Variants in KCNAB1 observed in about 807,000 individuals in gnomAD.
The protein encoded by KCNAB1 is potassium voltage-gated channel subfamily A regulatory beta subunit 1, also known as voltage-gated potassium channel subunit beta-1.
Under a neutral mutation model 64.6 loss-of-function variants are expected in KCNAB1, and 35 were observed. That is an observed-to-expected ratio of 0.54 (90% CI 0.41 to 0.72). The LOEUF (loss-of-function observed/expected upper bound fraction) is 0.72. Ranked by LOEUF, KCNAB1 falls within the 30% of genes least tolerant of loss-of-function variation. KCNAB1 has a pLI of 0.00. For synonymous variants in KCNAB1, 177 were observed against 183.8 expected (o/e 0.96, Z 0.30); for missense variants, 401 against 512.9 (o/e 0.78, Z 2.11).
At chr3:156,387,872 G>T (rs1712730667) in intron 1 of KCNAB1, among the ~76,000 whole-genome samples, 1 of 152,152 alleles carries the variant, frequency 6.6e-6, no homozygotes, top group African/African-American at 2.4e-5. Flanking sequence ...AAGAGTCAGA[G>T]ATTTTTCTTA....
intron 1 of KCNAB1, among the ~76,000 whole-genome samples, chr3:156,241,629 T>C (rs9810962): frequency 0.068 from 10,365 of 152,232 alleles, 1,222 homozygotes; most frequent in African/African-American, 0.24. Flanking sequence ...CTGCTCCCCC[T>C]GGGGCTGCGT....
intron 8 of KCNAB1, among the ~76,000 whole-genome samples, chr3:156,492,269 T>G (rs1211193202): frequency 6.6e-6 from 1 of 152,150 alleles, no homozygotes; most frequent in East Asian, 1.9e-4. Context: ...GATAAAAGCC[T>G]TAACATATTG....
chr3:156,195,335 G>T (rs550425731), intron 1 of KCNAB1, among the ~76,000 whole-genome samples: 3 of 152,224 alleles, frequency 2.0e-5, no homozygotes, highest in African/African-American at 7.2e-5. Context: ...GGTATTTCTG[G>T]TTCTAGATCC....
intron 1 of KCNAB1, among the ~76,000 whole-genome samples, chr3:156,154,510 C>T (rs1715604385): frequency 6.6e-6 from 1 of 152,138 alleles, no homozygotes; most frequent in Non-Finnish European, 1.5e-5. Flanking sequence ...ACTCGTCCTC[C>T]TAGATAAATG....
At chr3:156,256,175 A>G (rs1055582255) in intron 1 of KCNAB1, among the ~76,000 whole-genome samples, 1 of 152,244 alleles carries the variant, frequency 6.6e-6, no homozygotes, top group African/African-American at 2.4e-5. Context: ...TAACAAATGA[A>G]AAAGTGTTAT....
chr3:156,150,363 T>C (rs919716205), intron 1 of KCNAB1, among the ~76,000 whole-genome samples: 3 of 152,166 alleles, frequency 2.0e-5, no homozygotes, highest in Admixed American at 2.0e-4. Context: ...GTTTGAAATA[T>C]TGTTGAGAGG....
At chr3:156,506,807 T>C (rs1184159807) in intron 8 of KCNAB1, among the ~76,000 whole-genome samples, 1 of 152,202 alleles carries the variant, frequency 6.6e-6, no homozygotes, top group Non-Finnish European at 1.5e-5. Flanking sequence ...TCTTTAAGCT[T>C]TGACAGATCA....
intron 1 of KCNAB1, among the ~76,000 whole-genome samples, chr3:156,357,159 G>GCACACACA (rs112441885): frequency 2.7e-5 from 4 of 147,314 alleles, no homozygotes; most frequent in Admixed American, 6.9e-5. Context: ...ACATGTGCGC[G>GCACACACA]CACACACACA....
intron 8 of KCNAB1, among the ~76,000 whole-genome samples, chr3:156,504,525 C>A (rs1230694414): frequency 6.6e-6 from 1 of 152,080 alleles, no homozygotes; most frequent in East Asian, 1.9e-4. Flanking sequence ...TACATTCCTA[C>A]CAACAGCATA....
chr3:156,163,976 G>C (rs1391906941), intron 1 of KCNAB1, among the ~76,000 whole-genome samples: 1 of 152,166 alleles, frequency 6.6e-6, no homozygotes, highest in Non-Finnish European at 1.5e-5. Context: ...GTTGGATGCT[G>C]GTGCATACTA....
chr3:156,195,901 A>G (rs948918887), intron 1 of KCNAB1, among the ~76,000 whole-genome samples: 1 of 152,130 alleles, frequency 6.6e-6, no homozygotes, highest in East Asian at 1.9e-4. Flanking sequence ...GTTTTCTTCT[A>G]GGGTTTTTAT....
chr3:156,211,248 A>C (rs531989628), intron 1 of KCNAB1, among the ~76,000 whole-genome samples: 1 of 152,350 alleles, frequency 6.6e-6, no homozygotes, highest in African/African-American at 2.4e-5. Flanking sequence ...AGAACAAAAA[A>C]AGTCACAAAA....
chr3:156,402,776 G>A (rs573245762), intron 1 of KCNAB1, among the ~76,000 whole-genome samples: 1 of 152,280 alleles, frequency 6.6e-6, no homozygotes, highest in Admixed American at 6.5e-5. Flanking sequence ...ACTAATCACT[G>A]TTGAAGGCTC....
intron 1 of KCNAB1, chr3:156,176,819 C>T (rs577128095): frequency 1.9e-5 from 17 of 904,164 alleles, no homozygotes; most frequent in South Asian, 1.9e-4. Flanking sequence ...CTCCAGGGCC[C>T]GATCCCGCCA....
At chr3:156,438,529 G>T (rs77789681) in intron 2 of KCNAB1, among the ~76,000 whole-genome samples, 43 of 152,266 alleles carry the variant, frequency 2.8e-4, no homozygotes, top group African/African-American at 9.9e-4. Flanking sequence ...GTCGACTGTG[G>T]CTTTCACTGT....
chr3:156,349,062 C>T (rs1724690158), intron 1 of KCNAB1, among the ~76,000 whole-genome samples: 1 of 152,184 alleles, frequency 6.6e-6, no homozygotes, highest in African/African-American at 2.4e-5. Flanking sequence ...GTTTCCCCTA[C>T]TTTACAGAGG....
At chr3:156,470,874 G>A (rs1046824368) in intron 7 of KCNAB1, among the ~76,000 whole-genome samples, 36 of 152,152 alleles carry the variant, frequency 2.4e-4, no homozygotes, top group Non-Finnish European at 2.9e-5. Flanking sequence ...AGTGTACTAC[G>A]TTCATGTAAA....
In KCNAB1 at chr3:156,536,771, T is replaced by C. The variant is rs1007646217; in HGVS notation, c.*24T>C. 1 of 1,520,274 alleles carries C rather than the reference T, an allele frequency of 6.6e-7. No homozygotes were observed. Among genetic ancestry groups the C allele is most frequent in the Admixed American group, 1.7e-5 (1 of 59,908 alleles). The allele number at this position is 1,520,274 out of a possible 1,614,324, so 94.2% of individuals were successfully genotyped here. A position where few individuals can be genotyped will look rare whatever the true frequency, so the allele number is the denominator to read the frequency against. On this transcript the variant is annotated 3_prime_UTR_variant, in exon 14 of 14. Transcript: ENST00000490337. ...AAGGCAATGCATGAACCACAGAAGC[T>C]GCATGGTTAAAATAGCGGCCTGTGC... is the stretch of plus-strand genomic sequence containing the variant.
chr3:156,385,915 C>T (rs1712550753), intron 1 of KCNAB1, among the ~76,000 whole-genome samples: 2 of 152,144 alleles, frequency 1.3e-5, no homozygotes, highest in Admixed American at 6.5e-5. Flanking sequence ...TTAATCACCT[C>T]TTTAGGTCAA....
Sources: allele counts gnomAD v4.1 joint callset (sites outside exome capture counted in the v4.1 genomes callset), GRCh38; gene constraint gnomAD v4.1.1; transcripts MANE v1.5; gene names NCBI Gene and HGNC (gene_info 2026-07-23, HGNC 2026-07-21).